EFCAB13: variants seen among roughly 807,000 people sequenced by gnomAD.
EFCAB13 encodes EF-hand calcium binding domain 13.
Under a neutral mutation model 110.2 loss-of-function variants are expected in EFCAB13, and 91 were observed. The observed-to-expected ratio is 0.83, with a 90% CI of 0.70 to 0.98. The LOEUF is 0.98. Ranked by LOEUF, EFCAB13 falls within the 50% of genes least tolerant of loss-of-function variation. EFCAB13 has a pLI of 0.00. For synonymous variants in EFCAB13, 323 were observed against 369.9 expected (o/e 0.87, Z 1.45); for missense variants, 968 against 1,119.4 (o/e 0.86, Z 1.93).
At chr17:47,368,180 T>G (rs1262463888) in intron 10 of EFCAB13, among the ~76,000 whole-genome samples, 1 of 152,182 alleles carries the variant, frequency 6.6e-6, no homozygotes, top group Admixed American at 6.5e-5. Flanking sequence ...CAGTAAGGAA[T>G]GCTCCCTGCC....
intron 23 of EFCAB13, among the ~76,000 whole-genome samples, chr17:47,421,054 C>T (rs1479741867): frequency 5.9e-5 from 9 of 151,502 alleles, no homozygotes; most frequent in African/African-American, 1.9e-4. Context: ...CCAGCCACCC[C>T]GCCCGGGAGG....
chr17:47,379,113 T>A, intron 13 of EFCAB13, 69 bp from the exon 14 acceptor site: 1 of 1,172,966 alleles, frequency 8.5e-7, no homozygotes. Flanking sequence ...AATAGTTGTG[T>A]TAAAATGTAA....
intron 9 of EFCAB13, among the ~76,000 whole-genome samples, chr17:47,353,390 G>T (rs949180937): frequency 2.6e-5 from 4 of 151,946 alleles, no homozygotes; most frequent in African/African-American, 9.7e-5. Context: ...TGCCTCCCGG[G>T]TTCAAGGGAT....
chr17:47,434,110 G>A (rs548340625), intron 24 of EFCAB13, among the ~76,000 whole-genome samples: 2 of 151,998 alleles, frequency 1.3e-5, no homozygotes, highest in Admixed American at 6.6e-5. Context: ...AAAGAGAAAG[G>A]CAAACTGTCA....
chr17:47,334,992 T>C (rs531602737), intron 4 of EFCAB13, among the ~76,000 whole-genome samples: 42 of 152,326 alleles, frequency 2.8e-4, no homozygotes, highest in Middle Eastern at 3.4e-3. Flanking sequence ...TATAATGCAC[T>C]AAGGATAATT....
intron 14 of EFCAB13, among the ~76,000 whole-genome samples, chr17:47,383,526 T>C (rs190842438): frequency 6.6e-6 from 1 of 152,362 alleles, no homozygotes; most frequent in East Asian, 1.9e-4. Flanking sequence ...TCTGCCTTCA[T>C]TTCATTATTT....
At chr17:47,352,788 A>G (rs2065460559) in intron 9 of EFCAB13, among the ~76,000 whole-genome samples, 1 of 152,118 alleles carries the variant, frequency 6.6e-6, no homozygotes. Context: ...TTCCTTGTAG[A>G]GATCTTTCAC....
At position 47,415,228 on chromosome 17, in the gene EFCAB13, G is replaced by A. The variant is rs187590292; in HGVS notation, c.2494+309G>A. Among the ~76,000 whole-genome samples, 675 of 152,132 alleles carry A rather than the reference G, an allele frequency of 4.4e-3. 15 individuals carry two copies. Among genetic ancestry groups the A allele is most frequent in the Non-Finnish European group, 1.7e-3 (115 of 68,006 alleles). ...CAGGAAGGGGAACATCACACTCTGG[G>A]GACTGTTATGGGGTGGGGGGACAGG... is the stretch of plus-strand genomic sequence containing the variant. On this transcript the variant is annotated intron_variant, in intron 23 of 24. Coordinates refer to ENST00000331493, the MANE Select transcript of EFCAB13 (RefSeq NM_152347.5).
chr17:47,351,964 C>A (rs1337345426), intron 9 of EFCAB13, among the ~76,000 whole-genome samples: 2 of 144,416 alleles, frequency 1.4e-5, no homozygotes, highest in Non-Finnish European at 3.0e-5. Context: ...TGCAGTGGTG[C>A]GATCTTGGCT....
At chr17:47,409,830 C>A in intron 21 of EFCAB13, 139 bp downstream of exon 21, 1 of 634,554 alleles carries the variant, frequency 1.6e-6, no homozygotes, top group Non-Finnish European at 2.8e-6. Context: ...GTAATCTGAT[C>A]ATGTTACCTC....
intron 24 of EFCAB13, among the ~76,000 whole-genome samples, chr17:47,438,786 T>C (rs2143532058): frequency 6.6e-6 from 1 of 152,280 alleles, no homozygotes; most frequent in East Asian, 1.9e-4. Flanking sequence ...TGAACTCTTT[T>C]TCAGGTAAAT....
chr17:47,352,108 T>G (rs2065456969), intron 9 of EFCAB13, among the ~76,000 whole-genome samples: 1 of 151,788 alleles, frequency 6.6e-6, no homozygotes, highest in Non-Finnish European at 1.5e-5. Flanking sequence ...TTCACCGTGT[T>G]AGCCAGGATG....
intron 10 of EFCAB13, among the ~76,000 whole-genome samples, chr17:47,369,073 G>A (rs908906830): frequency 7.2e-5 from 11 of 152,206 alleles, no homozygotes; most frequent in African/African-American, 2.7e-4. Context: ...AATCATCGAT[G>A]AGAATGGAGT....
Position 47,395,918 on chromosome 17 carries a change from T to C in EFCAB13, c.1886T>C (p.Leu629Ser). ...VSDLWNTLSS[L>S]NSNLKKDEFL... ...GACCTGTGGAATACTCTGTCTAGTT[T>C]GAATAGTAATTTAAAAAAGGATGAA... Residue 629 changes from leucine (L) to serine (S), a missense_variant, in exon 17 of 25, where the codon TTG (leucine) becomes TCG (serine). Coordinates refer to ENST00000331493, the MANE Select transcript of EFCAB13 (RefSeq NM_152347.5). 2 of 1,610,714 alleles carry C rather than the reference T, an allele frequency of 1.2e-6. No homozygotes were observed. Among genetic ancestry groups the C allele is most frequent in the Admixed American group, 1.7e-5 (1 of 59,990 alleles).
At chr17:47,372,601 A>G (rs1376199563) in intron 11 of EFCAB13, among the ~76,000 whole-genome samples, 1 of 152,182 alleles carries the variant, frequency 6.6e-6, no homozygotes, top group Admixed American at 6.5e-5. Context: ...GGCTTGAAGA[A>G]CACTTTTTGA....
intron 18 of EFCAB13, among the ~76,000 whole-genome samples, 182 bp downstream of exon 18, chr17:47,402,385 C>T (rs568275215): frequency 9.8e-5 from 15 of 152,308 alleles, no homozygotes; most frequent in African/African-American, 3.4e-4. Flanking sequence ...ACTTGGCTTT[C>T]AGAATGTATC....
At chr17:47,421,624 T>TAAAAAAA (rs55780288) in intron 23 of EFCAB13, among the ~76,000 whole-genome samples, 5 of 122,968 alleles carry the variant, frequency 4.1e-5, no homozygotes, top group East Asian at 2.4e-4. Context: ...GAATGAGCAA[T>TAAAAAAA]AAAAAAAAGA....
chr17:47,378,222 C>T (rs1178994943), intron 13 of EFCAB13, among the ~76,000 whole-genome samples: 1 of 151,982 alleles, frequency 6.6e-6, no homozygotes, highest in Non-Finnish European at 1.5e-5. Flanking sequence ...ATGGCAAGAC[C>T]ACAATATCTA....
At chr17:47,349,180 T>C (rs371382565) in intron 9 of EFCAB13, among the ~76,000 whole-genome samples, 4 of 152,344 alleles carry the variant, frequency 2.6e-5, no homozygotes, top group Admixed American at 6.5e-5. Context: ...CCAAGCCTTG[T>C]CATTTCCTCT....
Sources: allele counts gnomAD v4.1 joint callset (sites outside exome capture counted in the v4.1 genomes callset), GRCh38; gene constraint gnomAD v4.1.1; transcripts MANE v1.5; gene names NCBI Gene and HGNC (gene_info 2026-07-23, HGNC 2026-07-21).